The following ARHGAP24 variants were observed in gnomAD, a reference collection of about 807,000 sequenced individuals.
ARHGAP24 encodes Rho GTPase activating protein 24.
In ARHGAP24, 50 loss-of-function variants were observed where a neutral mutation model predicts 76.4. That is an observed-to-expected ratio of 0.65 (90% confidence interval 0.52 to 0.83). The LOEUF (loss-of-function observed/expected upper bound fraction) is 0.83, where lower values mean the gene tolerates loss of function less well. Among genes scored for constraint, ARHGAP24 ranks in the 40% least tolerant of loss-of-function variants. The pLI is 0.00. For synonymous variants in ARHGAP24, 345 were observed against 323.3 expected (o/e 1.07, Z -0.72); for missense variants, 930 against 914.2 (o/e 1.02, Z -0.22).
intron 4 of ARHGAP24, among the ~76,000 whole-genome samples, chr4:85,925,338 G>A (rs1735963129): frequency 6.6e-6 from 1 of 152,202 alleles, no homozygotes; most frequent in African/African-American, 2.4e-5. Flanking sequence ...TGATCAGATA[G>A]ACTGTCAAAG....
rs150817696 is a variant in ARHGAP24, at chr4:85,550,455, G to A, written c.-20-20067G>A. 4.7e-3 allele frequency among the ~76,000 whole-genome samples: 715 copies of A among 152,296 alleles called. 6 individuals are homozygous for A. The highest frequency in any genetic ancestry group is 0.016 in the African/African-American group (674 of 41,564). ...GCTGTTTGGTTACTGTAGGCTTGTA[G>A]TATAATGTAAAGCTGGGTAACATAA... On this transcript the variant is annotated intron_variant, in intron 1 of 9. Transcript: ENST00000395184.
At chr4:85,854,927 G>T (rs1376586231) in intron 3 of ARHGAP24, among the ~76,000 whole-genome samples, 1 of 152,112 alleles carries the variant, frequency 6.6e-6, no homozygotes, top group African/African-American at 2.4e-5. Context: ...AAGAACAAGG[G>T]ACTATTTACA....
intron 4 of ARHGAP24, among the ~76,000 whole-genome samples, chr4:85,929,635 TG>T (rs1160590955): frequency 6.6e-6 from 1 of 152,212 alleles, no homozygotes; most frequent in East Asian, 1.9e-4. Flanking sequence ...GAAACATATA[TG>T]TGTGTGTAAA....
chr4:85,604,866 C>G (rs942123584), intron 2 of ARHGAP24, among the ~76,000 whole-genome samples: 2 of 152,138 alleles, frequency 1.3e-5, no homozygotes, highest in Non-Finnish European at 2.9e-5. Flanking sequence ...GTTTGCACCA[C>G]TACACCCAGC....
At chr4:85,975,611 C>G (rs1739273028) in intron 7 of ARHGAP24, 1 of 152,238 alleles carries the variant, frequency 6.6e-6, no homozygotes, top group African/African-American at 2.4e-5. Flanking sequence ...ATGGGATATG[C>G]CATATATGTG....
intron 3 of ARHGAP24, among the ~76,000 whole-genome samples, chr4:85,911,187 G>A (rs1735055555): frequency 6.6e-6 from 1 of 152,180 alleles, no homozygotes. Flanking sequence ...TGGGTCTGCA[G>A]CCTGGTTTGG....
In ARHGAP24 at chr4:85,590,192, G is replaced by GCCTT. The variant is rs563217345; in HGVS notation, c.180+19519_180+19522dup. 7.9e-3 allele frequency among the ~76,000 whole-genome samples: 880 copies of GCCTT among 111,256 alleles called. 9 individuals are homozygous for GCCTT. The highest frequency in any genetic ancestry group is 0.028 in the Middle Eastern group (6 of 216). 73.0% of individuals were successfully genotyped at this position (111,256 alleles called of 152,430 possible). ...TGCCTGCCTGCCTGCCTGCCTGCCT[G>GCCTT]CCTTCCTTCCTTCCTTCCTTCCTTC... On this transcript the variant is annotated intron_variant, in intron 2 of 9. Coordinates refer to ENST00000395184, the MANE Select transcript of ARHGAP24 (RefSeq NM_001025616.3).
intron 1 of ARHGAP24, among the ~76,000 whole-genome samples, chr4:85,492,357 C>T (rs1296579165): frequency 6.6e-6 from 1 of 152,062 alleles, no homozygotes; most frequent in Non-Finnish European, 1.5e-5. Context: ...TTTAATTGTT[C>T]AAAACTGCTT....
At chr4:85,834,794 A>G (rs1303015790) in intron 3 of ARHGAP24, among the ~76,000 whole-genome samples, 3 of 152,196 alleles carry the variant, frequency 2.0e-5, no homozygotes, top group Admixed American at 6.5e-5. Context: ...CCTTTGCTCT[A>G]TGGAATGTTT....
chr4:85,732,764 G>A (rs1414039889), intron 3 of ARHGAP24, among the ~76,000 whole-genome samples: 2 of 148,542 alleles, frequency 1.3e-5, no homozygotes, highest in African/African-American at 5.0e-5. Context: ...TGTGATCTCA[G>A]CTCACTGCAA....
chr4:85,774,416 A>T (rs1727233815), intron 3 of ARHGAP24, among the ~76,000 whole-genome samples: 1 of 152,226 alleles, frequency 6.6e-6, no homozygotes, highest in African/African-American at 2.4e-5. Flanking sequence ...GCAAATGCAA[A>T]GATTTAGCCT....
At chr4:85,926,826 G>C (rs944617600) in intron 4 of ARHGAP24, among the ~76,000 whole-genome samples, 1 of 152,128 alleles carries the variant, frequency 6.6e-6, no homozygotes, top group Non-Finnish European at 1.5e-5. Context: ...GTGTCACACT[G>C]TGAGAAGCAG....
chr4:85,591,031 G>T (rs113536136), intron 2 of ARHGAP24, among the ~76,000 whole-genome samples: 701 of 62,714 alleles, frequency 0.011, 15 homozygotes, highest in African/African-American at 0.045. Context: ...AATCTGCTGG[G>T]TTTTTTTTTT....
intron 2 of ARHGAP24, among the ~76,000 whole-genome samples, chr4:85,708,383 T>C (rs1724400219): frequency 6.6e-6 from 1 of 152,196 alleles, no homozygotes; most frequent in Non-Finnish European, 1.5e-5. Flanking sequence ...TTCACATCTA[T>C]AAACTTTATT....
chr4:85,778,809 C>T (rs762727735), intron 3 of ARHGAP24: 23 of 985,244 alleles, frequency 2.3e-5, no homozygotes, highest in East Asian at 1.1e-4. Context: ...TAGCTACCAC[C>T]GCTTTGAAAG....
At chr4:85,971,050 G>A (rs188405238) in intron 5 of ARHGAP24, among the ~76,000 whole-genome samples, 1 of 152,256 alleles carries the variant, frequency 6.6e-6, no homozygotes, top group African/African-American at 2.4e-5. Flanking sequence ...AGGACGTTAA[G>A]TTTTCATTGT....
At position 86,001,235 on chromosome 4, in the gene ARHGAP24, T is replaced by C; in HGVS notation, c.*513T>C. 1 of 399,086 alleles carries C rather than the reference T, an allele frequency of 2.5e-6. No individual in the cohort carries two copies. The highest frequency in any genetic ancestry group is 4.4e-6 in the Non-Finnish European group (1 of 226,138). The allele number at this position is 399,086 out of a possible 1,614,324, so 24.7% of individuals were successfully genotyped here. A position where few individuals can be genotyped will look rare whatever the true frequency, so the allele number is the denominator to read the frequency against. On this transcript the variant is annotated 3_prime_UTR_variant, in exon 10 of 10. Coordinates refer to ENST00000395184, the MANE Select transcript of ARHGAP24 (RefSeq NM_001025616.3). ...AAATCAGAAGAATACTTTGTGGCTG[T>C]GCTGTTTGTGCCAATAGACTTTGTC...
rs147884395 is a variant in ARHGAP24 at position 85,532,896 on chromosome 4, C to T, written c.-20-37626C>T. Among the ~76,000 whole-genome samples the T allele has an allele frequency of 4.5e-4, 65 of 145,834 alleles. 1 individual carries two copies. In the East Asian group the frequency reaches 0.012, roughly 28 times the overall value. Reference sequence around the variant, plus strand: ...TGAGTTCCTTAGTTCATTCTATTCACTGATCAATGCAGCTCTCAATAGGCA... The same window carrying T: ...TGAGTTCCTTAGTTCATTCTATTCATTGATCAATGCAGCTCTCAATAGGCA... On this transcript the variant is annotated intron_variant, in intron 1 of 9. Transcript: ENST00000395184.
At chr4:85,910,511 G>T (rs1329375370) in intron 3 of ARHGAP24, among the ~76,000 whole-genome samples, 1 of 152,134 alleles carries the variant, frequency 6.6e-6, no homozygotes, top group Non-Finnish European at 1.5e-5. Flanking sequence ...GTGTCCCAAC[G>T]AGTGTTCAGC....
Sources: gnomAD v4.1 joint callset for allele counts (sites outside exome capture counted in the v4.1 genomes callset) on GRCh38, gnomAD v4.1.1 for gene constraint, MANE v1.5 for transcripts, NCBI Gene and HGNC (gene_info 2026-07-23, HGNC 2026-07-21) for gene names.